MARCHF6: variants seen among roughly 807,000 people sequenced by gnomAD.
MARCHF6 encodes membrane associated ring-CH-type finger 6.
MARCHF6 carries 31 observed loss-of-function variants against 133.7 expected under a neutral mutation model. That is an observed-to-expected ratio of 0.23 (90% CI 0.17 to 0.31). The LOEUF is 0.31. MARCHF6 is among the 10% of genes least tolerant of loss of function. The probability of loss-of-function intolerance (pLI) is 1.00; values close to 1 mark genes in which losing one functional copy is unlikely to be tolerated. For synonymous variants in MARCHF6, 395 were observed against 402.5 expected, an observed-to-expected ratio of 0.98 and a Z score of 0.22; for missense variants, 723 against 1,121.6, an observed-to-expected ratio of 0.64 and a Z score of 5.08.
chr5:10,388,970 C>T (rs923679864), intron 5 of MARCHF6, among the ~76,000 whole-genome samples: 4 of 152,122 alleles, frequency 2.6e-5, no homozygotes, highest in Non-Finnish European at 4.4e-5. Flanking sequence ...TGGAGAGTTC[C>T]TTACTAAGGT....
At chr5:10,375,195 G>C (rs530852244) in intron 1 of MARCHF6, among the ~76,000 whole-genome samples, 2 of 152,206 alleles carry the variant, frequency 1.3e-5, no homozygotes, top group Non-Finnish European at 2.9e-5. Flanking sequence ...TGCGTGCAGC[G>C]CTTGCGGGCC....
chr5:10,364,708 C>T (rs532050313), intron 1 of MARCHF6, among the ~76,000 whole-genome samples: 2 of 152,162 alleles, frequency 1.3e-5, no homozygotes, highest in African/African-American at 2.4e-5. Context: ...CCATGACTTG[C>T]GTATCTGTTA....
In MARCHF6 at chr5:10,371,618, A is replaced by G. The variant is rs548014220; in HGVS notation, c.20-6180A>G. On this transcript the variant is annotated intron_variant, in intron 1 of 25. Transcript: ENST00000274140. Reference sequence around the variant, plus strand: ...TGCAAAGACTTGCCCCCATGATTCAATTACCTGGGTCCCTCCCACAACACG... The same window carrying G: ...TGCAAAGACTTGCCCCCATGATTCAGTTACCTGGGTCCCTCCCACAACACG... 1.2e-4 allele frequency among the ~76,000 whole-genome samples: 18 copies of G among 152,310 alleles called. No individual in the cohort carries two copies. In the South Asian group the frequency reaches 2.1e-3, roughly 18 times the overall value.
chr5:10,357,944 CAGGATATG>C (rs1472179679), intron 1 of MARCHF6, among the ~76,000 whole-genome samples: 3 of 149,236 alleles, frequency 2.0e-5, no homozygotes, highest in African/African-American at 7.4e-5. Flanking sequence ...TAAGAAGTGC[CAGGATATG>C]AGGGCATGGG....
At position 10,377,883 on chromosome 5, in the gene MARCHF6, C is replaced by T; in HGVS notation, c.105C>T (p.Ile35=). ...PCVCTGSIKF[I]HQECLVQWLK... ...TATGTACTGGCAGTATTAAGTTTAT[C>T]CATCAAGAATGGTAAGTCATACTTT... Residue 35 remains isoleucine, a synonymous_variant, in exon 2 of 26, where the codon ATC becomes ATT. Transcript: ENST00000274140. 3 of 1,608,684 alleles carry T rather than the reference C, an allele frequency of 1.9e-6. No homozygotes were observed. The highest frequency in any genetic ancestry group is 2.2e-5 in the South Asian group (2 of 90,962).
In MARCHF6 at chr5:10,419,612, CTTT is replaced by C. The variant is rs148493492; in HGVS notation, c.2283+2222_2283+2224del. On this transcript the variant is annotated intron_variant, in intron 22 of 25. Transcript: ENST00000274140. Reference sequence around the variant, plus strand: ...ATCTGTAATTGAAGGAAAGAGCTACCTTTTTTTTTTTTTTTTACAGAAAAATGC... The same window carrying C: ...ATCTGTAATTGAAGGAAAGAGCTACCTTTTTTTTTTTTTACAGAAAAATGC... Among the ~76,000 whole-genome samples, 434 of 139,438 alleles carry C rather than the reference CTTT, an allele frequency of 3.1e-3. 1 individual carries two copies. The highest frequency in any genetic ancestry group is 5.8e-3 in the East Asian group (29 of 5,034). The allele number at this position is 139,438 out of a possible 152,430, so 91.5% of individuals were successfully genotyped here.
At chr5:10,399,902 T>A (rs1738424198) in intron 10 of MARCHF6, among the ~76,000 whole-genome samples, 1 of 152,218 alleles carries the variant, frequency 6.6e-6, no homozygotes, top group African/African-American at 2.4e-5. Context: ...ATGTTTTACA[T>A]CTGTCCATCT....
Position 10,433,736 on chromosome 5 carries a change from A to G in MARCHF6, c.*52A>G. The G allele has an allele frequency of 6.9e-7, 1 of 1,448,418 alleles. No individual in the cohort carries two copies. The highest frequency in any genetic ancestry group is 1.1e-5 in the South Asian group (1 of 87,344). The allele number at this position is 1,448,418 out of a possible 1,614,324, so 89.7% of individuals were successfully genotyped here. A position where few individuals can be genotyped will look rare whatever the true frequency, so the allele number is the denominator to read the frequency against. ...CCCCTTTACATGTCCTTTTTTGTGG[A>G]CTTCTCTCTTTGGAGATTTTTCCCA... On this transcript the variant is annotated 3_prime_UTR_variant, in exon 26 of 26. Coordinates refer to ENST00000274140, the MANE Select transcript of MARCHF6 (RefSeq NM_005885.4).
At chr5:10,413,780 G>C (rs1315427950) in intron 19 of MARCHF6, among the ~76,000 whole-genome samples, 1 of 152,110 alleles carries the variant, frequency 6.6e-6, no homozygotes, top group African/African-American at 2.4e-5. Flanking sequence ...CAGGAGAACA[G>C]TATGGGGGAA....
At chr5:10,381,619 C>T (rs1391449578) in intron 3 of MARCHF6, among the ~76,000 whole-genome samples, 181 bp from the exon 4 acceptor site, 3 of 151,994 alleles carry the variant, frequency 2.0e-5, no homozygotes, top group Admixed American at 2.0e-4. Context: ...ATGTGATTTG[C>T]CTCATAAATG....
At chr5:10,360,144 GTTTTT>G (rs1164778520) in intron 1 of MARCHF6, among the ~76,000 whole-genome samples, 1 of 75,096 alleles carries the variant, frequency 1.3e-5, no homozygotes, top group East Asian at 3.6e-4. Context: ...ATGTGTGTGT[GTTTTT>G]TTTTTTTTTT....
chr5:10,357,201 G>T (rs567372309), intron 1 of MARCHF6, among the ~76,000 whole-genome samples: 5 of 131,906 alleles, frequency 3.8e-5, no homozygotes, highest in African/African-American at 1.4e-4. Context: ...CTATCCTTTG[G>T]TCAAGGATAT....
At chr5:10,358,781 A>G (rs989706863) in intron 1 of MARCHF6, among the ~76,000 whole-genome samples, 2 of 152,232 alleles carry the variant, frequency 1.3e-5, no homozygotes, top group African/African-American at 4.8e-5. Context: ...ATTAATGCAT[A>G]AAATATATGT....
intron 4 of MARCHF6, among the ~76,000 whole-genome samples, chr5:10,384,148 A>T (rs1737328233): frequency 6.6e-6 from 1 of 152,232 alleles, no homozygotes; most frequent in Non-Finnish European, 1.5e-5. Context: ...ACAGAAATTA[A>T]TTTGAGATGA....
Position 10,435,574 on chromosome 5 carries a change from A to G in MARCHF6, c.*1890A>G, listed in dbSNP as rs1433600856. ...ATGCTGCCTGTCATAGTGTATTTCT[A>G]AATTGCTCTCTTTGGGAGAAAAACA... On this transcript the variant is annotated 3_prime_UTR_variant, in exon 26 of 26. Transcript: ENST00000274140. The G allele has an allele frequency of 7.2e-6, 1 of 137,982 alleles. No homozygotes were observed. The highest frequency in any genetic ancestry group is 2.1e-4 in the East Asian group (1 of 4,750). 8.5% of individuals were successfully genotyped at this position (137,982 alleles called of 1,614,324 possible). A position where few individuals can be genotyped will look rare whatever the true frequency, so the allele number is the denominator to read the frequency against.
intron 4 of MARCHF6, among the ~76,000 whole-genome samples, chr5:10,384,009 T>C (rs1312869787): frequency 6.6e-6 from 1 of 152,158 alleles, no homozygotes; most frequent in East Asian, 1.9e-4. Context: ...AAAACTACAT[T>C]GTTACATTAT....
At chr5:10,410,712 T>TATA (rs1412801215) in intron 18 of MARCHF6, among the ~76,000 whole-genome samples, 1 of 152,212 alleles carries the variant, frequency 6.6e-6, no homozygotes, top group African/African-American at 2.4e-5. Context: ...TATATTTATT[T>TATA]AAAAGTTGAA....
At chr5:10,391,411 G>T (rs1737821794) in intron 6 of MARCHF6, 131 bp from the exon 7 acceptor site, 1 of 628,820 alleles carries the variant, frequency 1.6e-6, no homozygotes. Flanking sequence ...AGGATTACAG[G>T]CATGAGCCAC....
intron 20 of MARCHF6, among the ~76,000 whole-genome samples, chr5:10,414,718 A>G (rs1184258340): frequency 6.6e-6 from 1 of 152,220 alleles, no homozygotes; most frequent in Non-Finnish European, 1.5e-5. Flanking sequence ...TTAGGAAGAC[A>G]ATCTGTGGAA....
Sources: gnomAD v4.1 joint callset for allele counts (sites outside exome capture counted in the v4.1 genomes callset) on GRCh38, gnomAD v4.1.1 for gene constraint, MANE v1.5 for transcripts, NCBI Gene and HGNC (gene_info 2026-07-23, HGNC 2026-07-21) for gene names.